Variants in ADAMTS18 observed in about 807,000 individuals in gnomAD.
ADAMTS18 encodes the protein A disintegrin and metalloproteinase with thrombospondin motifs 18.
ADAMTS18 carries 157 observed loss-of-function variants against 165.9 expected under a neutral mutation model. The observed-to-expected ratio is 0.95, with a 90% confidence interval of 0.83 to 1.08. ADAMTS18 has a LOEUF of 1.08. ADAMTS18 is among the 50% of genes least tolerant of loss of function. The probability of loss-of-function intolerance (pLI) is 0.00; values close to 1 mark genes in which losing one functional copy is unlikely to be tolerated. For synonymous variants in ADAMTS18, 782 were observed against 578.2 expected, an observed-to-expected ratio of 1.35 and a Z score of -5.06; for missense variants, 2,040 against 1,534.0, an observed-to-expected ratio of 1.33 and a Z score of -5.51.
At chr16:77,421,705 C>T (rs888445295) in intron 3 of ADAMTS18, among the ~76,000 whole-genome samples, 3 of 152,168 alleles carry the variant, frequency 2.0e-5, no homozygotes, top group Admixed American at 6.5e-5. Flanking sequence ...CTGGCTATAG[C>T]TGATGTCCCA....
chr16:77,345,790 G>A (rs528366585), intron 10 of ADAMTS18, among the ~76,000 whole-genome samples: 17 of 152,288 alleles, frequency 1.1e-4, no homozygotes, highest in African/African-American at 4.1e-4. Context: ...AGTTCTGCTG[G>A]ATGGCACTCA....
chr16:77,326,631 C>A (rs1342992988), intron 12 of ADAMTS18, among the ~76,000 whole-genome samples: 1 of 152,222 alleles, frequency 6.6e-6, no homozygotes, highest in Non-Finnish European at 1.5e-5. Context: ...GATCCACCCC[C>A]ATCAGGCTCC....
chr16:77,307,666 A>T (rs1273692017), intron 16 of ADAMTS18, among the ~76,000 whole-genome samples: 1 of 152,170 alleles, frequency 6.6e-6, no homozygotes, highest in African/African-American at 2.4e-5. Context: ...CGTCCTCTCG[A>T]GCCTGACTAT....
intron 10 of ADAMTS18, among the ~76,000 whole-genome samples, chr16:77,342,518 T>G (rs536798771): frequency 6.6e-6 from 1 of 152,290 alleles, no homozygotes; most frequent in South Asian, 2.1e-4. Context: ...CTCAAACTCC[T>G]AACCTAAAGT....
At chr16:77,289,201 A>C (rs2055314332) in intron 22 of ADAMTS18, 63 bp downstream of exon 22, 1 of 1,596,646 alleles carries the variant, frequency 6.3e-7, no homozygotes, top group Non-Finnish European at 8.6e-7. Context: ...CTACTAACAA[A>C]GTAGCCTTTG....
intron 12 of ADAMTS18, among the ~76,000 whole-genome samples, chr16:77,330,211 G>C (rs970494603): frequency 1.3e-5 from 2 of 152,138 alleles, no homozygotes. Context: ...CTAACTCCAT[G>C]AGCTAAGTTG....
At chr16:77,333,110 A>G (rs1242103983) in intron 12 of ADAMTS18, among the ~76,000 whole-genome samples, 1 of 152,162 alleles carries the variant, frequency 6.6e-6, no homozygotes, top group Non-Finnish European at 1.5e-5. Context: ...TGAACAGAGT[A>G]GCTCAGAGTC....
At chr16:77,295,559 T>C (rs529520405) in intron 18 of ADAMTS18, among the ~76,000 whole-genome samples, 3 of 152,224 alleles carry the variant, frequency 2.0e-5, no homozygotes, top group South Asian at 2.1e-4. Context: ...TTCTGATAAG[T>C]GCTGCAATGG....
At chr16:77,364,532 G>C (rs535572331) in intron 4 of ADAMTS18, 151 bp from the exon 5 acceptor site, 2 of 821,318 alleles carry the variant, frequency 2.4e-6, no homozygotes, top group East Asian at 2.7e-5. Context: ...GCCTGCCCAG[G>C]TGCCTTGCAT....
At chr16:77,316,841 T>C (rs2055895999) in intron 16 of ADAMTS18, among the ~76,000 whole-genome samples, 1 of 152,088 alleles carries the variant, frequency 6.6e-6, no homozygotes, top group Admixed American at 6.5e-5. Flanking sequence ...GGCTAATTTT[T>C]GTTTTAGTAG....
intron 3 of ADAMTS18, among the ~76,000 whole-genome samples, chr16:77,425,396 G>A (rs969459041): frequency 1.3e-5 from 2 of 152,144 alleles, no homozygotes; most frequent in African/African-American, 4.8e-5. Context: ...CAGTGCTAAG[G>A]CTGGATGGTA....
chr16:77,397,269 G>A (rs193203262), intron 3 of ADAMTS18, among the ~76,000 whole-genome samples: 2 of 152,302 alleles, frequency 1.3e-5, no homozygotes, highest in Non-Finnish European at 2.9e-5. Context: ...TCCTACATAA[G>A]TGAAATACAC....
chr16:77,309,625 A>C (rs191596811), intron 16 of ADAMTS18, among the ~76,000 whole-genome samples: 1 of 152,228 alleles, frequency 6.6e-6, no homozygotes, highest in East Asian at 1.9e-4. Flanking sequence ...CATCCTATAA[A>C]GTTTTGACAT....
chr16:77,308,630 C>T (rs1363720354), intron 16 of ADAMTS18, among the ~76,000 whole-genome samples: 1 of 151,414 alleles, frequency 6.6e-6, no homozygotes, highest in Admixed American at 6.6e-5. Flanking sequence ...GCCAAGGTCT[C>T]CTAAAACTGT....
rs537215824 is a variant in ADAMTS18 at position 77,336,792 on chromosome 16, T to G, written c.1711-888A>C. On this transcript the variant is annotated intron_variant, in intron 11 of 22. Transcript: ENST00000282849. ...TTTTGTTTTTGTTTTATTTTTTGTTTTTGTTGCCTACCCCCAATCCCCAAC... is the reference window on the plus strand; with the variant it reads ...TTTTGTTTTTGTTTTATTTTTTGTTGTTGTTGCCTACCCCCAATCCCCAAC... 1.6e-3 allele frequency among the ~76,000 whole-genome samples: 249 copies of G among 152,312 alleles called. 1 individual carries two copies. The highest frequency in any genetic ancestry group is 5.8e-3 in the African/African-American group (242 of 41,564).
intron 3 of ADAMTS18, among the ~76,000 whole-genome samples, chr16:77,422,373 C>G (rs1317209582): frequency 1.3e-5 from 2 of 151,496 alleles, no homozygotes; most frequent in Non-Finnish European, 2.9e-5. Context: ...CAGGTGGCCA[C>G]ACATGCAGAA....
chr16:77,373,331 G>A (rs571421204), intron 3 of ADAMTS18, among the ~76,000 whole-genome samples: 1 of 151,828 alleles, frequency 6.6e-6, no homozygotes, highest in Admixed American at 6.6e-5. Context: ...AAACTAGCCA[G>A]GCATATAGTC....
intron 3 of ADAMTS18, among the ~76,000 whole-genome samples, chr16:77,400,751 G>C (rs930204086): frequency 6.6e-6 from 1 of 151,742 alleles, no homozygotes; most frequent in Non-Finnish European, 1.5e-5. Flanking sequence ...TTACAGGAGT[G>C]AGCCACCACG....
chr16:77,323,756 T>A (rs2056045793), intron 13 of ADAMTS18, among the ~76,000 whole-genome samples: 1 of 152,140 alleles, frequency 6.6e-6, no homozygotes, highest in African/African-American at 2.4e-5. Context: ...GATATAAGTA[T>A]CAAAAGGAGA....
Sources: allele counts gnomAD v4.1 joint callset (sites outside exome capture counted in the v4.1 genomes callset), GRCh38; gene constraint gnomAD v4.1.1; transcripts MANE v1.5; gene names NCBI Gene and HGNC (gene_info 2026-07-23, HGNC 2026-07-21).